The following RYR1 variants were observed in gnomAD, a reference collection of about 807,000 sequenced individuals.
RYR1 encodes the protein central core disease of muscle.
In RYR1, 342 loss-of-function variants were observed where a neutral mutation model predicts 583.5. The ratio of observed to expected loss-of-function variants is 0.59; its 90% CI spans 0.54 to 0.64. RYR1 has a LOEUF of 0.64. Ranked by LOEUF, RYR1 falls within the 30% of genes least tolerant of loss-of-function variation. RYR1 has a pLI of 0.00. For missense variants in RYR1, 6,032 were observed against 6,917.2 expected (o/e 0.87, Z 4.54); for synonymous variants, 2,791 against 2,822.5 (o/e 0.99, Z 0.35).
chr19:38,448,867 C>A, intron 11 of RYR1, 54 bp downstream of exon 11: 1 of 1,540,630 alleles, frequency 6.5e-7, no homozygotes, highest in Non-Finnish European at 8.9e-7. Flanking sequence ...CGCTTGAGTC[C>A]AGGAGGTCAA....
intron 25 of RYR1, chr19:38,468,025 TCATCCATC>T (rs67434030): frequency 9.5e-5 from 46 of 482,226 alleles, no homozygotes; most frequent in Non-Finnish European, 1.1e-4. Context: ...AACCAACAAT[TCATCCATC>T]CATCCATCCA....
chr19:38,537,693 G>A (rs1972033572), intron 83 of RYR1, among the ~76,000 whole-genome samples, 187 bp from the exon 84 acceptor site: 1 of 152,182 alleles, frequency 6.6e-6, no homozygotes, highest in African/African-American at 2.4e-5. Context: ...CATGGGCTCT[G>A]AGGTCAAGAC....
At position 38,565,668 on chromosome 19, in the gene RYR1, C is replaced by G. The variant is rs905232339; in HGVS notation, c.13334C>G (p.Pro4445Arg). The change falls in exon 91 of 106, where the codon CCC (proline) becomes CGC (arginine). Residue 4445 changes from proline (P) to arginine (R), a missense_variant. This residue lies in a region of RYR1 where 753 missense variants were observed against 759.6 expected (regional missense o/e 0.99). Coordinates refer to ENST00000359596, the MANE Select transcript of RYR1 (RefSeq NM_000540.3). The surrounding 1 kb of genome is among the most constrained non-coding windows in gnomAD (Gnocchi z 4.7). ...GCGGTGGCCGTGACCGATGGGGGCC[C>G]CTTCCGGCCCGAAGGGGCTGGCGGT... ...DGAVAVTDGG[P>R]FRPEGAGGLG... 15 of 1,390,894 alleles carry G rather than the reference C, an allele frequency of 1.1e-5. No homozygotes were observed. The highest frequency in any genetic ancestry group is 2.6e-4 in the Middle Eastern group (1 of 3,860). The allele number at this position is 1,390,894 out of a possible 1,614,324, so 86.2% of individuals were successfully genotyped here. A position where few individuals can be genotyped will look rare whatever the true frequency, so the allele number is the denominator to read the frequency against.
chr19:38,517,300 G>A (rs2145681307), intron 65 of RYR1, 59 bp from the exon 66 acceptor site: 1 of 1,562,350 alleles, frequency 6.4e-7, no homozygotes, highest in Non-Finnish European at 8.7e-7. Context: ...GGGGAGGCCA[G>A]GGCACTGAGG....
At chr19:38,465,988 C>T (rs573258146) in intron 23 of RYR1, 103 bp from the exon 24 acceptor site, 11 of 1,129,008 alleles carry the variant, frequency 9.7e-6, no homozygotes, top group Admixed American at 6.1e-5. Context: ...AGGTCAGAAA[C>T]GCCGAAGCTG....
rs2915959 is a variant in RYR1 at position 38,506,969 on chromosome 19, T to A, written c.8816+17T>A. On this transcript the variant is annotated intron_variant, in intron 57 of 105. Transcript: ENST00000359596. ...GGTTACAAGGCACGCGGGTTGGGGCTCCCGCGGAAGAGCAGCAGGCAGAAC... is the reference window on the plus strand; with the variant it reads ...GGTTACAAGGCACGCGGGTTGGGGCACCCGCGGAAGAGCAGCAGGCAGAAC... 0.28 allele frequency: 451,573 copies of A among 1,611,250 alleles called. 67,238 individuals carry two copies. The highest frequency in any genetic ancestry group is 0.44 in the South Asian group (40,432 of 90,924).
In RYR1 at chr19:38,466,630, T is replaced by C. The variant is rs1191874975; in HGVS notation, c.3178+232T>C. On this transcript the variant is annotated intron_variant, in intron 24 of 105. Coordinates refer to ENST00000359596, the MANE Select transcript of RYR1 (RefSeq NM_000540.3). Reference sequence around the variant, plus strand: ...CATTCTCCTGCCTCAGCCTTCCGAGTAGCTGGGATTACCGGCGGGTGCCAC... The same window carrying C: ...CATTCTCCTGCCTCAGCCTTCCGAGCAGCTGGGATTACCGGCGGGTGCCAC... 2.6e-5 allele frequency among the ~76,000 whole-genome samples: 4 copies of C among 151,130 alleles called. No homozygotes were observed. The East Asian group carries it at 5.9e-4, about 22-fold the overall frequency.
At chr19:38,562,961 CA>C (rs910643600) in intron 90 of RYR1, among the ~76,000 whole-genome samples, 3 of 152,340 alleles carry the variant, frequency 2.0e-5, no homozygotes, top group African/African-American at 7.2e-5. Flanking sequence ...CCATCTGGCA[CA>C]CAAGTGGTTG....
At chr19:38,510,605 CAT>C in intron 59 of RYR1, 40 bp downstream of exon 59, 1 of 1,614,158 alleles carries the variant, frequency 6.2e-7, no homozygotes. Flanking sequence ...GCTGGGGACT[CAT>C]AGGCTCTCCC....
intron 73 of RYR1, chr19:38,528,007 G>A (rs978769778): frequency 7.6e-5 from 47 of 622,242 alleles, no homozygotes; most frequent in Non-Finnish European, 1.0e-4. Flanking sequence ...AGATCTTTAG[G>A]TCTAGGGGTG....
intron 89 of RYR1, among the ~76,000 whole-genome samples, chr19:38,560,527 G>A (rs1030291462): frequency 2.0e-5 from 3 of 151,846 alleles, no homozygotes; most frequent in Admixed American, 6.6e-5. Context: ...ACAGGAGTTC[G>A]AGACCAGCCT....
At position 38,565,652 on chromosome 19, in the gene RYR1, G is replaced by A; in HGVS notation, c.13318G>A (p.Val4440Met). 1.4e-6 allele frequency: 2 copies of A among 1,389,938 alleles called. No homozygotes were observed. Among genetic ancestry groups the A allele is most frequent in the East Asian group, 3.0e-5 (1 of 33,442 alleles). 86.1% of individuals were successfully genotyped at this position (1,389,938 alleles called of 1,614,324 possible). A position where few individuals can be genotyped will look rare whatever the true frequency, so the allele number is the denominator to read the frequency against. ...GPGGADGAVA[V>M]TDGGPFRPEG... is the part of the protein sequence containing the mutation. ...GGGCGGTGCCGACGGGGCGGTGGCC[G>A]TGACCGATGGGGGCCCCTTCCGGCC... Residue 4440 changes from valine to methionine, a missense_variant, in exon 91 of 106, where the codon GTG becomes ATG. This residue lies in a region of RYR1 where 753 missense variants were observed against 759.6 expected (regional missense o/e 0.99). Coordinates refer to ENST00000359596, the MANE Select transcript of RYR1 (RefSeq NM_000540.3). The surrounding 1 kb of genome is among the most constrained non-coding windows in gnomAD (Gnocchi z 4.7).
chr19:38,500,811 C>G lies in RYR1; in HGVS notation c.7445-10C>G. The G allele has an allele frequency of 6.2e-7, 1 of 1,614,068 alleles. No homozygotes were observed. The highest frequency in any genetic ancestry group is 8.5e-7 in the Non-Finnish European group (1 of 1,179,994). On this transcript the variant is annotated splice_polypyrimidine_tract_variant and intron_variant, in intron 46 of 105. Coordinates refer to ENST00000359596, the MANE Select transcript of RYR1 (RefSeq NM_000540.3). This position sits in a 1 kb window ranked among gnomAD's most constrained non-coding sequence, Gnocchi z 5.9. The stretch of plus-strand genomic sequence containing the variant: ...CAGGGCATCCCCGAACCCACCCTCC[C>G]TGCCTGCAGATGGGGCTCTGGTGCA...
intron 76 of RYR1, among the ~76,000 whole-genome samples, chr19:38,529,804 T>A (rs1971649935): frequency 6.6e-6 from 1 of 152,162 alleles, no homozygotes. Context: ...CTGCCGCTGC[T>A]GCTGACAGTA....
chr19:38,584,790 C>G (rs1974393522), intron 101 of RYR1, among the ~76,000 whole-genome samples, 153 bp from the exon 102 acceptor site: 1 of 151,124 alleles, frequency 6.6e-6, no homozygotes, highest in South Asian at 2.1e-4. Flanking sequence ...GGCTGTTGGT[C>G]CCTGTCTGAT....
intron 54 of RYR1, 55 bp downstream of exon 54, chr19:38,506,001 C>A: frequency 1.9e-6 from 3 of 1,595,216 alleles, no homozygotes; most frequent in Non-Finnish European, 2.6e-6. Context: ...GGGTCTAGAA[C>A]AAGGGGCATG....
At chr19:38,510,833 T>A (rs554092324) in intron 60 of RYR1, 52 bp downstream of exon 60, 44 of 1,612,196 alleles carry the variant, frequency 2.7e-5, no homozygotes, top group Middle Eastern at 1.7e-4. Context: ...AGGATTGTAA[T>A]CCTTTGCCCA....
chr19:38,488,654 A>G (rs1467967743), intron 34 of RYR1, among the ~76,000 whole-genome samples: 1 of 152,044 alleles, frequency 6.6e-6, no homozygotes, highest in African/African-American at 2.4e-5. Flanking sequence ...GGCGTGCACC[A>G]CCACACCCAG....
At chr19:38,568,605 A>C (rs1973557855) in intron 93 of RYR1, among the ~76,000 whole-genome samples, 1 of 147,908 alleles carries the variant, frequency 6.8e-6, no homozygotes, top group South Asian at 2.1e-4. Flanking sequence ...AAAAAAAATT[A>C]GCCAGCCATA....
Sources: allele counts gnomAD v4.1 joint callset (sites outside exome capture counted in the v4.1 genomes callset), GRCh38; gene constraint gnomAD v4.1.1; regional missense constraint gnomAD v4.1.1; non-coding constraint Gnocchi (gnomAD v3.1); transcripts MANE v1.5; gene names NCBI Gene and HGNC (gene_info 2026-07-23, HGNC 2026-07-21).